The following RORA variants were observed in gnomAD, a reference collection of about 807,000 sequenced individuals.
RORA encodes nuclear receptor ROR-alpha.
RORA carries 7 observed loss-of-function variants against 69.5 expected under a neutral mutation model. That is an observed-to-expected ratio of 0.10 (90% CI 0.06 to 0.19). The LOEUF is 0.19. Among genes scored for constraint, RORA ranks in the 10% least tolerant of loss-of-function variants. RORA has a pLI of 1.00. For synonymous variants in RORA, 261 were observed against 240.8 expected (o/e 1.08, Z -0.78); for missense variants, 457 against 663.0 (o/e 0.69, Z 3.41).
At chr15:60,827,700 T>A (rs1180450351) in intron 1 of RORA, among the ~76,000 whole-genome samples, 2 of 152,054 alleles carry the variant, frequency 1.3e-5, no homozygotes, top group Non-Finnish European at 2.9e-5. Flanking sequence ...CTGGGTTGGG[T>A]GAGCAGCTGC....
chr15:60,788,113 C>T (rs1337433005), intron 1 of RORA, among the ~76,000 whole-genome samples: 1 of 152,184 alleles, frequency 6.6e-6, no homozygotes, highest in Non-Finnish European at 1.5e-5. Context: ...GAAGAAGCTT[C>T]GGTGGGGATG....
At chr15:60,742,114 T>C (rs2071582684) in intron 1 of RORA, among the ~76,000 whole-genome samples, 1 of 152,194 alleles carries the variant, frequency 6.6e-6, no homozygotes, top group African/African-American at 2.4e-5. Flanking sequence ...TATCTATATG[T>C]ATAGATAGAT....
At chr15:60,761,669 A>G (rs1490690062) in intron 1 of RORA, among the ~76,000 whole-genome samples, 3 of 152,246 alleles carry the variant, frequency 2.0e-5, no homozygotes, top group African/African-American at 4.8e-5. Flanking sequence ...TCATTTTCCT[A>G]TGAGCCATTT....
rs183304005 is a variant in RORA at position 60,784,805 on chromosome 15, A to G, written c.167-106119T>C. ...CCAACCTAACCTCTATAAAGTAGAA[A>G]TGTCGCCTATGCCCTTCACCAGTAT... On this transcript the variant is annotated intron_variant, in intron 1 of 10. Coordinates refer to ENST00000335670, the MANE Select transcript of RORA (RefSeq NM_134261.3). Among the ~76,000 whole-genome samples, 31 of 152,324 alleles carry G rather than the reference A, an allele frequency of 2.0e-4. No homozygotes were observed. In the East Asian group the frequency reaches 5.8e-3, roughly 28 times the overall value.
intron 1 of RORA, among the ~76,000 whole-genome samples, chr15:60,694,329 G>T (rs1361363395): frequency 1.3e-5 from 2 of 152,114 alleles, no homozygotes. Flanking sequence ...CTCCTCCCAT[G>T]CCCACATCAA....
rs916672302 is a variant in RORA, at chr15:60,511,956, C to T, written c.425-335G>A. On this transcript the variant is annotated intron_variant, in intron 4 of 10. Coordinates refer to ENST00000335670, the MANE Select transcript of RORA (RefSeq NM_134261.3). This position sits in a 1 kb window ranked among gnomAD's most constrained non-coding sequence, Gnocchi z 6.4. ...TGATAACTTAATGGGCTTGTTCACTCTCCCCCCGTGCAGCTGGCTTAGGCT... is the reference window on the plus strand; with the variant it reads ...TGATAACTTAATGGGCTTGTTCACTTTCCCCCCGTGCAGCTGGCTTAGGCT... 7.9e-6 allele frequency: 2 copies of T among 251,730 alleles called. No homozygotes were observed. The highest frequency in any genetic ancestry group is 1.5e-5 in the Non-Finnish European group (2 of 129,694). 15.6% of individuals were successfully genotyped at this position (251,730 alleles called of 1,614,324 possible). A position where few individuals can be genotyped will look rare whatever the true frequency, so the allele number is the denominator to read the frequency against.
chr15:60,612,466 T>C (rs904189220), intron 2 of RORA, among the ~76,000 whole-genome samples: 1 of 152,200 alleles, frequency 6.6e-6, no homozygotes, highest in Admixed American at 6.5e-5. Flanking sequence ...GTTAGAGTCA[T>C]AATTTTTACC....
chr15:61,054,544 C>T (rs1223611297), intron 1 of RORA, among the ~76,000 whole-genome samples: 1 of 152,168 alleles, frequency 6.6e-6, no homozygotes, highest in African/African-American at 2.4e-5. Context: ...CAAGAAACAT[C>T]AGGCCTTTTG....
At chr15:60,944,523 C>T (rs887637348) in intron 1 of RORA, among the ~76,000 whole-genome samples, 2 of 152,026 alleles carry the variant, frequency 1.3e-5, no homozygotes, top group African/African-American at 2.4e-5. Flanking sequence ...TCAAGACCAG[C>T]TTGGGCAACA....
chr15:60,775,899 G>A (rs951556330), intron 1 of RORA, among the ~76,000 whole-genome samples: 1 of 152,120 alleles, frequency 6.6e-6, no homozygotes, highest in Non-Finnish European at 1.5e-5. Flanking sequence ...ATGCGGCAGG[G>A]GAAAAACATC....
intron 2 of RORA, among the ~76,000 whole-genome samples, chr15:60,540,135 C>A: frequency 6.6e-6 from 1 of 152,272 alleles, no homozygotes; most frequent in South Asian, 2.1e-4. Flanking sequence ...CAAAAAAAGT[C>A]ATCTGACTCA....
intron 1 of RORA, among the ~76,000 whole-genome samples, chr15:61,087,958 G>C (rs1287908901): frequency 1.3e-5 from 2 of 152,244 alleles, no homozygotes; most frequent in East Asian, 1.9e-4. Context: ...TGTGCTCAGG[G>C]ATACGGCCTA....
At chr15:61,222,431 C>T (rs1294507063) in intron 1 of RORA, among the ~76,000 whole-genome samples, 1 of 152,182 alleles carries the variant, frequency 6.6e-6, no homozygotes, top group Non-Finnish European at 1.5e-5. Flanking sequence ...TTAGCATTAG[C>T]ATGTAAGAGC....
At chr15:60,829,837 C>A (rs984206554) in intron 1 of RORA, among the ~76,000 whole-genome samples, 1 of 152,220 alleles carries the variant, frequency 6.6e-6, no homozygotes, top group African/African-American at 2.4e-5. Context: ...ACTTTATTCA[C>A]AACACCAGAA....
At chr15:61,114,646 A>C (rs1048105980) in intron 1 of RORA, among the ~76,000 whole-genome samples, 1 of 152,210 alleles carries the variant, frequency 6.6e-6, no homozygotes, top group Non-Finnish European at 1.5e-5. Context: ...GCTAAACCTG[A>C]AAAATGGCTT....
intron 1 of RORA, among the ~76,000 whole-genome samples, chr15:60,958,870 AC>A (rs1388214816): frequency 2.6e-4 from 40 of 152,306 alleles, no homozygotes; most frequent in African/African-American, 8.9e-4. Context: ...TTGCACAGCA[AC>A]TTGGCTCAGG....
chr15:60,738,257 A>C (rs1031653162), intron 1 of RORA, among the ~76,000 whole-genome samples: 7 of 152,254 alleles, frequency 4.6e-5, no homozygotes, highest in African/African-American at 1.7e-4. Context: ...TATTAAAAGC[A>C]AAAACAACTC....
At chr15:61,166,599 T>C (rs1002849005) in intron 1 of RORA, among the ~76,000 whole-genome samples, 1 of 152,062 alleles carries the variant, frequency 6.6e-6, no homozygotes, top group Non-Finnish European at 1.5e-5. Context: ...CAGCATGATA[T>C]TATAGGAAGG....
intron 2 of RORA, among the ~76,000 whole-genome samples, chr15:60,656,634 A>C (rs1206792256): frequency 1.3e-5 from 2 of 152,226 alleles, no homozygotes; most frequent in Admixed American, 6.5e-5. Context: ...AGGATTGCAC[A>C]ACACACACCA....
Sources: allele counts gnomAD v4.1 joint callset (sites outside exome capture counted in the v4.1 genomes callset), GRCh38; gene constraint gnomAD v4.1.1; non-coding constraint Gnocchi (gnomAD v3.1); transcripts MANE v1.5; gene names NCBI Gene and HGNC (gene_info 2026-07-23, HGNC 2026-07-21).